The following GMNC variants were observed in gnomAD, a reference collection of about 807,000 sequenced individuals.
GMNC encodes geminin coiled-coil domain containing.
GMNC carries 16 observed loss-of-function variants against 33.6 expected under a neutral mutation model. The observed-to-expected ratio is 0.48, with a 90% confidence interval of 0.32 to 0.72. The LOEUF (loss-of-function observed/expected upper bound fraction) is 0.72. GMNC is among the 30% of genes least tolerant of loss of function. The probability of loss-of-function intolerance (pLI) is 0.03; values close to 1 mark genes in which losing one functional copy is unlikely to be tolerated. For missense variants in GMNC, 393 were observed against 388.9 expected, an observed-to-expected ratio of 1.01 and a Z score of -0.09; for synonymous variants, 156 against 147.3, an observed-to-expected ratio of 1.06 and a Z score of -0.43.
intron 4 of GMNC, among the ~76,000 whole-genome samples, chr3:190,856,482 TAA>T (rs1491446295): frequency 2.2e-5 from 3 of 136,992 alleles, no homozygotes; most frequent in Admixed American, 1.5e-4. Context: ...TAAATAAATA[TAA>T]ATATATTTAT....
At chr3:190,844,848 A>T in the GMNC span, among the ~76,000 whole-genome samples, 1 of 152,126 alleles carries the variant, frequency 6.6e-6, no homozygotes, top group Admixed American at 6.5e-5. Context: ...TGGGTTTTTC[A>T]ATTATTTGGA....
At chr3:190,856,229 T>C (rs944663481) in intron 4 of GMNC, among the ~76,000 whole-genome samples, 2 of 144,650 alleles carry the variant, frequency 1.4e-5, no homozygotes, top group Non-Finnish European at 3.0e-5. Flanking sequence ...CATTTATTTA[T>C]AAATAATACT....
At chr3:190,845,508 C>G in the GMNC span, among the ~76,000 whole-genome samples, 201 of 125,798 alleles carry the variant, frequency 1.6e-3, 2 homozygotes, top group Non-Finnish European at 2.7e-3. Context: ...ATTTTGAAAC[C>G]TTTTTTTTTT....
downstream of GMNC, among the ~76,000 whole-genome samples, chr3:190,851,765 C>T (rs1737636859): frequency 2.6e-5 from 4 of 151,758 alleles, no homozygotes; most frequent in South Asian, 2.1e-4. Flanking sequence ...TTGCTCCATT[C>T]GCTAAAAAAT....
chr3:190,860,563 TG>T, intron 2 of GMNC, 120 bp downstream of exon 2: 1 of 797,240 alleles, frequency 1.3e-6, no homozygotes, highest in Non-Finnish European at 1.9e-6. Flanking sequence ...CAGGAGTCCT[TG>T]GGTTTACTTA....
At position 190,860,708 on chromosome 3, in the gene GMNC, G is replaced by C; in HGVS notation, c.154C>G (p.Leu52Val). ...WAAGLLDNRE[L>V]QQAPQAQESF... is the part of the protein sequence containing the mutation. ...CCCTGTGCCTGTGGTGCTTGTTGGA[G>C]CTCTCTGTTGTCCAGGAGACCAGCA... is the stretch of plus-strand genomic sequence containing the variant. Residue 52 changes from leucine (L) to valine (V), a missense_variant, in exon 2 of 5, where the codon CTC becomes GTC. Leu to Val is a conservative substitution (Grantham distance 32). Coordinates refer to ENST00000442080, the MANE Select transcript of GMNC (RefSeq NM_001146686.3). The C allele has an allele frequency of 1.3e-6, 2 of 1,550,994 alleles. No homozygotes were observed. The highest frequency in any genetic ancestry group is 1.7e-6 in the Non-Finnish European group (2 of 1,146,864).
chr3:190,857,889 G>T lies in GMNC; in HGVS notation c.278C>A (p.Thr93Asn). The change falls in exon 4 of 5, where the codon ACC (threonine) becomes AAC (asparagine). Residue 93 changes from threonine (T) to asparagine (N), a missense_variant. By Grantham distance (65) the Thr-to-Asn change is moderately conservative (BLOSUM62 0). Coordinates refer to ENST00000442080, the MANE Select transcript of GMNC (RefSeq NM_001146686.3). ...QLYRNKQLQD[T>N]LVQKEEELAR... is the part of the protein sequence containing the mutation. Reference sequence around the variant, plus strand: ...GAGTTCTTCTTCCTTCTGCACCAGGGTATCTTGCAGCTACAAAAAGCAGAC... The same window carrying T: ...GAGTTCTTCTTCCTTCTGCACCAGGTTATCTTGCAGCTACAAAAAGCAGAC... 6.5e-7 allele frequency: 1 copy of T among 1,540,418 alleles called. No homozygotes were observed. The highest frequency in any genetic ancestry group is 8.8e-7 in the Non-Finnish European group (1 of 1,136,680).
rs1335954987 is a variant in GMNC at position 190,861,949 on chromosome 3, CAAAT to C, written c.3+660_3+663del. Among the ~76,000 whole-genome samples the C allele has an allele frequency of 1.3e-5, 2 of 151,510 alleles. No homozygotes were observed. Among genetic ancestry groups the C allele is most frequent in the Admixed American group, 6.6e-5 (1 of 15,212 alleles). On this transcript the variant is annotated intron_variant, in intron 1 of 4. Transcript: ENST00000442080. The surrounding 1 kb of genome is among the most constrained non-coding windows in gnomAD (Gnocchi z 5.1). The stretch of plus-strand genomic sequence containing the variant: ...GACATTAACATAAACAGAGAGAAAA[CAAAT>C]AAGAAGAAAAAAGAGAAAAAAAAGT...
At chr3:190,847,668 A>ACATT in the GMNC span, among the ~76,000 whole-genome samples, 3 of 152,090 alleles carry the variant, frequency 2.0e-5, no homozygotes, top group Non-Finnish European at 4.4e-5. Flanking sequence ...AAAAAAGATT[A>ACATT]CATTCCCTTT....
rs552233312 is a variant in GMNC at position 190,862,447 on chromosome 3, T to C, written c.3+166A>G. Among the ~76,000 whole-genome samples the C allele has an allele frequency of 2.0e-5, 3 of 150,170 alleles. No homozygotes were observed. The South Asian group carries it at 6.4e-4, about 32-fold the overall frequency. ...GAGAGAGAGAGAGAGAGAAAGCAGA[T>C]AGAGGATACTAAAAGAGACACAGGG... is the stretch of plus-strand genomic sequence containing the variant. On this transcript the variant is annotated intron_variant, in intron 1 of 4. Coordinates refer to ENST00000442080, the MANE Select transcript of GMNC (RefSeq NM_001146686.3). This position sits in a 1 kb window ranked among gnomAD's most constrained non-coding sequence, Gnocchi z 4.5.
chr3:190,852,255 T>A (rs1174207534), downstream of GMNC, among the ~76,000 whole-genome samples: 1 of 152,110 alleles, frequency 6.6e-6, no homozygotes, highest in Non-Finnish European at 1.5e-5. Flanking sequence ...GGTTGTTAAA[T>A]CCATTTGTCA....
intron 2 of GMNC, among the ~76,000 whole-genome samples, chr3:190,859,334 G>A (rs1737813282): frequency 7.4e-6 from 1 of 135,312 alleles, no homozygotes; most frequent in South Asian, 2.4e-4. Flanking sequence ...ATTAATTTAT[G>A]CAAATACTTA....
the GMNC span, among the ~76,000 whole-genome samples, chr3:190,844,607 A>C: frequency 1.3e-5 from 2 of 151,916 alleles, no homozygotes; most frequent in Non-Finnish European, 2.9e-5. Flanking sequence ...AGTATTTATC[A>C]ATATTTTGCA....
At chr3:190,858,856 A>C (rs934045065) in intron 3 of GMNC, 72 bp downstream of exon 3, 16 of 864,080 alleles carry the variant, frequency 1.9e-5, no homozygotes, top group Non-Finnish European at 2.7e-5. Flanking sequence ...AAGGGAAAAG[A>C]AGCAAGATAT....
At chr3:190,845,475 G>A in the GMNC span, among the ~76,000 whole-genome samples, 1 of 150,448 alleles carries the variant, frequency 6.6e-6, no homozygotes, top group Non-Finnish European at 1.5e-5. Flanking sequence ...TAAGGTCTAG[G>A]GCTTTTTTTC....
rs1421522635 is a variant in GMNC, at chr3:190,852,928, A to G, written c.*2367T>C. 6.6e-6 allele frequency: 1 copy of G among 152,176 alleles called. No individual in the cohort carries two copies. Among genetic ancestry groups the G allele is most frequent in the Non-Finnish European group, 1.5e-5 (1 of 68,000 alleles). The allele number at this position is 152,176 out of a possible 1,614,324, so 9.4% of individuals were successfully genotyped here. A position where few individuals can be genotyped will look rare whatever the true frequency, so the allele number is the denominator to read the frequency against. Reference sequence around the variant, plus strand: ...TAAAACATGAACAAAATAATTTTCTATACATAATTTAAATGGATATTAAAT... The same window carrying G: ...TAAAACATGAACAAAATAATTTTCTGTACATAATTTAAATGGATATTAAAT... On this transcript the variant is annotated 3_prime_UTR_variant, in exon 5 of 5. Transcript: ENST00000442080.
At chr3:190,849,189 G>T (rs1737595185), downstream of GMNC, among the ~76,000 whole-genome samples, 1 of 152,138 alleles carries the variant, frequency 6.6e-6, no homozygotes, top group South Asian at 2.1e-4. Context: ...TGGCTAGGTG[G>T]GACTAGTCAT....
chr3:190,846,237 A>T, the GMNC span, among the ~76,000 whole-genome samples: 1 of 152,078 alleles, frequency 6.6e-6, no homozygotes, highest in Non-Finnish European at 1.5e-5. Flanking sequence ...CAACAAAAAA[A>T]GAGAAAGAAA....
Position 190,855,512 on chromosome 3 carries a change from A to G in GMNC, c.788T>C (p.Phe263Ser). 1.3e-6 allele frequency: 2 copies of G among 1,551,774 alleles called. No individual in the cohort carries two copies. The highest frequency in any genetic ancestry group is 1.7e-6 in the Non-Finnish European group (2 of 1,146,964). Residue 263 changes from phenylalanine (F) to serine (S), a missense_variant, in exon 5 of 5, where the codon TTC becomes TCC. Transcript: ENST00000442080. The stretch of plus-strand genomic sequence containing the variant: ...ATTTGAAAGTTGAGAAAGGATGTGG[A>G]AATCTTCTCCATGAGTGGCAGTGCT... ...LHSTATHGEDFHILSQLSNPP... is the reference protein window; with the variant it reads ...LHSTATHGEDSHILSQLSNPP...
Sources: gnomAD v4.1 joint callset for allele counts (sites outside exome capture counted in the v4.1 genomes callset) on GRCh38, gnomAD v4.1.1 for gene constraint, Gnocchi (gnomAD v3.1) non-coding constraint, MANE v1.5 for transcripts, NCBI Gene and HGNC (gene_info 2026-07-23, HGNC 2026-07-21) for gene names.